Variants in UNC45A observed in about 807,000 individuals in gnomAD.
UNC45A encodes the protein protein unc-45 homolog A.
In UNC45A, 78 loss-of-function variants were observed where a neutral mutation model predicts 103.2. The observed-to-expected ratio is 0.76, with a 90% CI of 0.63 to 0.91. The LOEUF (loss-of-function observed/expected upper bound fraction) is 0.91. Ranked by LOEUF, UNC45A falls within the 40% of genes least tolerant of loss-of-function variation. The pLI is 0.00. For synonymous variants in UNC45A, 495 were observed against 504.6 expected (o/e 0.98, Z 0.25); for missense variants, 1,193 against 1,224.8 (o/e 0.97, Z 0.39).
chr15:90,951,489 G>C (rs559295001), intron 17 of UNC45A, among the ~76,000 whole-genome samples: 1 of 152,198 alleles, frequency 6.6e-6, no homozygotes, highest in Non-Finnish European at 1.5e-5. Flanking sequence ...GAGGCCGGGC[G>C]TGGTGGCTCA....
At chr15:90,952,870 G>A in intron 17 of UNC45A, 59 bp from the exon 18 acceptor site, 1 of 1,500,428 alleles carries the variant, frequency 6.7e-7, no homozygotes, top group Non-Finnish European at 9.1e-7. Context: ...TTCAACATGA[G>A]GGTTAGAAGG....
chr15:90,942,823 C>A, intron 7 of UNC45A, 89 bp from the exon 8 acceptor site: 1 of 1,525,094 alleles, frequency 6.6e-7, no homozygotes, highest in Non-Finnish European at 8.8e-7. Context: ...CCCCCCTTCC[C>A]TGTGTCTCCC....
chr15:90,942,510 C>A lies in UNC45A; in HGVS notation c.761C>A (p.Ser254Tyr). The A allele has an allele frequency of 1.9e-6, 3 of 1,614,164 alleles. No homozygotes were observed. Among genetic ancestry groups the A allele is most frequent in the East Asian group, 2.2e-5 (1 of 44,888 alleles). ...CTGGGCGTGGAAAGCCAGGCTGTGT[C>A]CCTGGCTGCCTGCCACCTGCTGCAG... ...SILGVESQAV[S>Y]LAACHLLQVM... is the part of the protein sequence containing the mutation. The change falls in exon 7 of 20, where the codon TCC becomes TAC. Residue 254 changes from serine (S) to tyrosine (Y), a missense_variant. Transcript: ENST00000418476.
chr15:90,936,377 C>G lies in UNC45A; in HGVS notation c.343C>G (p.Leu115Val), dbSNP rs1446292486. The G allele has an allele frequency of 2.5e-6, 4 of 1,614,094 alleles. No homozygotes were observed. The highest frequency in any genetic ancestry group is 3.4e-6 in the Non-Finnish European group (4 of 1,180,046). Reference protein sequence around the residue: ...LGRLDQAVLDLQRCVSLEPKN... With the variant: ...LGRLDQAVLDVQRCVSLEPKN... ...CCGCCTGGACCAGGCTGTCCTTGAC[C>G]TGCAGAGATGTGTGAGCTTGGAGCC... The change falls in exon 4 of 20, where the codon CTG (leucine) becomes GTG (valine). Residue 115 changes from leucine to valine, a missense_variant. Physicochemically the swap from Leu to Val is conservative, Grantham distance 32. Coordinates refer to ENST00000418476, the MANE Select transcript of UNC45A (RefSeq NM_018671.5).
rs75951169 is a variant in UNC45A at position 90,936,056 on chromosome 15, C to T, written c.250+74C>T. The T allele has an allele frequency of 8.2e-3, 13,174 of 1,597,300 alleles. 60 individuals carry two copies. The highest frequency in any genetic ancestry group is 9.6e-3 in the Non-Finnish European group (11,235 of 1,172,486). On this transcript the variant is annotated intron_variant, in intron 3 of 19. Transcript: ENST00000418476. ...GGCAAGGACTCTGGGACCGCTGCAC[C>T]GTCACATTCTCCTCCTTTGGCCCCA...
At chr15:90,935,753 G>T in intron 2 of UNC45A, 48 bp downstream of exon 2, 1 of 1,519,860 alleles carries the variant, frequency 6.6e-7, no homozygotes, top group Non-Finnish European at 8.8e-7. Flanking sequence ...GCCCCGGTTC[G>T]CCCATCTAAG....
rs2036610308 is a variant in UNC45A, at chr15:90,947,000, A to G, written c.1500+86A>G. The G allele has an allele frequency of 2.0e-6, 3 of 1,467,416 alleles. No homozygotes were observed. In the Admixed American group the frequency reaches 6.2e-5, roughly 30 times the overall value. 90.9% of individuals were successfully genotyped at this position (1,467,416 alleles called of 1,614,324 possible). A position where few individuals can be genotyped will look rare whatever the true frequency, so the allele number is the denominator to read the frequency against. On this transcript the variant is annotated intron_variant, in intron 10 of 19. Coordinates refer to ENST00000418476, the MANE Select transcript of UNC45A (RefSeq NM_018671.5). ...GTGTTGCAGGGTGTGGCCCCAGCAC[A>G]CTCCAGATGAAAATAAGGAATACTG... is the stretch of plus-strand genomic sequence containing the variant.
chr15:90,953,658 C>T lies in UNC45A; in HGVS notation c.2777C>T (p.Ala926Val). ...DHSPVTRAAAACLDKAVEYGL... is the reference protein window; with the variant it reads ...DHSPVTRAAAVCLDKAVEYGL... ...AGCCCTGTCACAAGGGCTGCTGCAG[C>T]CTGCCTGGACAAAGCAGTGGAATAT... is the stretch of plus-strand genomic sequence containing the variant. Residue 926 changes from alanine (A) to valine (V), a missense_variant, in exon 20 of 20, where the codon GCC (alanine) becomes GTC (valine). Physicochemically the swap from Ala to Val is moderately conservative, Grantham distance 64 (BLOSUM62 0). Coordinates refer to ENST00000418476, the MANE Select transcript of UNC45A (RefSeq NM_018671.5). 1 of 1,614,138 alleles carries T rather than the reference C, an allele frequency of 6.2e-7. No homozygotes were observed. Among genetic ancestry groups the T allele is most frequent in the East Asian group, 2.2e-5 (1 of 44,886 alleles).
chr15:90,935,351 C>A lies in UNC45A; in HGVS notation c.27C>A (p.Pro9=), dbSNP rs759825776. Residue 9 remains proline (P), a synonymous_variant, in exon 1 of 20, where the codon CCC becomes CCA. Coordinates refer to ENST00000418476, the MANE Select transcript of UNC45A (RefSeq NM_018671.5). MTVSGPGT[P]EPRPATPGAS... The stretch of plus-strand genomic sequence containing the variant: ...TGACTGTGAGTGGTCCAGGGACCCC[C>A]GAGCCCCGGCCGGCCACCCCCGGGG... The A allele has an allele frequency of 1.9e-6, 3 of 1,603,800 alleles. No homozygotes were observed. Among genetic ancestry groups the A allele is most frequent in the Middle Eastern group, 1.7e-4 (1 of 6,042 alleles).
chr15:90,931,418 C>G (rs1567143496), upstream of UNC45A: 1 of 1,598,726 alleles, frequency 6.3e-7, no homozygotes. Context: ...GCATAAGAGT[C>G]GACAGAAACT....
chr15:90,948,478 G>A (rs944482793), intron 12 of UNC45A, 176 bp from the exon 13 acceptor site: 3 of 1,272,464 alleles, frequency 2.4e-6, no homozygotes, highest in African/African-American at 3.0e-5. Context: ...TCTTGGAGGA[G>A]CTGGGGAGGT....
chr15:90,953,236 C>T lies in UNC45A; in HGVS notation c.2503C>T (p.Gln835Ter). The change falls in exon 19 of 20, where the codon CAG (glutamine) becomes TAG (stop). Residue 835 changes from glutamine to a stop codon, truncating the protein, a stop_gained. Coordinates refer to ENST00000418476, the MANE Select transcript of UNC45A (RefSeq NM_018671.5). LOFTEE classifies it high-confidence loss of function. ...CAGTGGAGAGGATGATGAGCTGCTA[C>T]AGCGGGCAGCTGCCGGGGGCTTGGC... Reference protein sequence around the residue: ...LYSGEDDELLQRAAAGGLAML... With the variant: ...LYSGEDDELL 6.2e-7 allele frequency: 1 copy of T among 1,613,756 alleles called. No homozygotes were observed. Among genetic ancestry groups the T allele is most frequent in the Non-Finnish European group, 8.5e-7 (1 of 1,180,032 alleles).
chr15:90,931,685 A>T, upstream of UNC45A: 3 of 1,613,956 alleles, frequency 1.9e-6, no homozygotes, highest in Non-Finnish European at 2.5e-6. Context: ...TTTCCCTTAC[A>T]GCCCATACGA....
intron 8 of UNC45A, 45 bp from the exon 9 acceptor site, chr15:90,944,847 G>C (rs1444159333): frequency 6.4e-7 from 1 of 1,574,204 alleles, no homozygotes; most frequent in Non-Finnish European, 8.6e-7. Context: ...TTACTTGTAG[G>C]GGTTGGAACT....
intron 5 of UNC45A, 125 bp downstream of exon 5, chr15:90,939,948 G>A: frequency 1.2e-6 from 1 of 857,812 alleles, no homozygotes; most frequent in Non-Finnish European, 1.8e-6. Context: ...ACGGGGCCTG[G>A]ATGGGAGCTC....
rs1171601813 is a variant in UNC45A, at chr15:90,944,877, G to A, written c.1028-15G>A. 3 of 1,610,514 alleles carry A rather than the reference G, an allele frequency of 1.9e-6. No homozygotes were observed. The highest frequency in any genetic ancestry group is 2.2e-4 in the Middle Eastern group (1 of 4,502). On this transcript the variant is annotated splice_polypyrimidine_tract_variant and intron_variant, in intron 8 of 19. Transcript: ENST00000418476. ...GGAACTAGTGTTCTACTGTCTAAGC[G>A]GGGTGTCTTTACAGGTCTGAAAAAG...
Position 90,953,307 on chromosome 15 carries a change from A to G in UNC45A, c.2574A>G (p.Gln858=). ...MRPTLCSRIP[Q]VTTHWLEILQ... Reference sequence around the variant, plus strand: ...CCACGCTCTGCAGCCGCATTCCCCAAGTGGTCAGTGCCTCTTCTCAGTGGG... The same window carrying G: ...CCACGCTCTGCAGCCGCATTCCCCAGGTGGTCAGTGCCTCTTCTCAGTGGG... The change falls in exon 19 of 20, where the codon CAA becomes CAG. Residue 858 remains glutamine (Q), a synonymous_variant. Transcript: ENST00000418476. 2 of 1,607,650 alleles carry G rather than the reference A, an allele frequency of 1.2e-6. No homozygotes were observed. The highest frequency in any genetic ancestry group is 1.7e-6 in the Non-Finnish European group (2 of 1,177,350).
chr15:90,946,508 T>C, intron 9 of UNC45A, 106 bp from the exon 10 acceptor site: 1 of 1,319,946 alleles, frequency 7.6e-7, no homozygotes, highest in South Asian at 1.5e-5. Flanking sequence ...TTTCCTGCTG[T>C]TTCTGCCCAA....
At chr15:90,936,070 C>G in intron 3 of UNC45A, 88 bp downstream of exon 3, 1 of 1,583,800 alleles carries the variant, frequency 6.3e-7, no homozygotes, top group Non-Finnish European at 8.6e-7. Context: ...ACATTCTCCT[C>G]CTTTGGCCCC....
Sources: gnomAD v4.1 joint callset for allele counts (sites outside exome capture counted in the v4.1 genomes callset) on GRCh38, gnomAD v4.1.1 for gene constraint, MANE v1.5 for transcripts, NCBI Gene and HGNC (gene_info 2026-07-23, HGNC 2026-07-21) for gene names.